MOXD1: variants seen among roughly 807,000 people sequenced by gnomAD.
MOXD1 encodes the protein DBH-like monooxygenase protein 1.
MOXD1 carries 62 observed loss-of-function variants against 66.6 expected under a neutral mutation model. The observed-to-expected ratio is 0.93, with a 90% CI of 0.76 to 1.15. The LOEUF is 1.15. MOXD1 is among the 50% of genes most tolerant of loss of function. The pLI is 0.00. For missense variants in MOXD1, 847 were observed against 754.6 expected (o/e 1.12, Z -1.44); for synonymous variants, 303 against 281.9 (o/e 1.07, Z -0.75).
At chr6:132,338,911 A>G (rs1023640849) in intron 4 of MOXD1, among the ~76,000 whole-genome samples, 1 of 152,234 alleles carries the variant, frequency 6.6e-6, no homozygotes, top group Non-Finnish European at 1.5e-5. Context: ...TAGTATTACT[A>G]TCTTAAGTTG....
At chr6:132,355,509 C>T (rs1775893804) in intron 4 of MOXD1, among the ~76,000 whole-genome samples, 1 of 152,192 alleles carries the variant, frequency 6.6e-6, no homozygotes, top group South Asian at 2.1e-4. Context: ...AACCAAGCCT[C>T]AAGTGGCCTT....
chr6:132,378,112 G>A (rs576673734), intron 1 of MOXD1, among the ~76,000 whole-genome samples: 313 of 152,050 alleles, frequency 2.1e-3, no homozygotes, highest in Middle Eastern at 6.8e-3. Context: ...CAGCCTGAGT[G>A]ACAAGAGAGA....
chr6:132,328,218 A>G, intron 5 of MOXD1, 103 bp from the exon 6 acceptor site: 6 of 1,226,490 alleles, frequency 4.9e-6, no homozygotes, highest in Non-Finnish European at 7.0e-6. Context: ...ACCCTCTGGA[A>G]CCCCATTCAT....
At chr6:132,386,872 A>G (rs899532114) in intron 1 of MOXD1, among the ~76,000 whole-genome samples, 4 of 151,164 alleles carry the variant, frequency 2.6e-5, no homozygotes, top group Non-Finnish European at 5.9e-5. Context: ...CTTTCATTAT[A>G]TTTATTGGGT....
At chr6:132,358,082 C>T (rs6914923) in intron 4 of MOXD1, among the ~76,000 whole-genome samples, 29,613 of 151,976 alleles carry the variant, frequency 0.19, 2,996 homozygotes, top group South Asian at 0.28. Flanking sequence ...CTCCATTTTG[C>T]CAATGGGAAA....
At position 132,340,638 on chromosome 6, in the gene MOXD1, A is replaced by ATCTTTTT. The variant is rs1562287208; in HGVS notation, c.664-12045_664-12044insAAAAAGA. Among the ~76,000 whole-genome samples, 61 of 98,784 alleles carry ATCTTTTT rather than the reference A, an allele frequency of 6.2e-4. 6 individuals carry two copies. Among genetic ancestry groups the ATCTTTTT allele is most frequent in the African/African-American group, 2.6e-3 (59 of 22,562 alleles). 64.8% of individuals were successfully genotyped at this position (98,784 alleles called of 152,430 possible). ...ACAACATGCTAAAACAACAAGACTC[A>ATCTTTTT]TTTTTTTTTTTTTTTTTTTTTTTTT... On this transcript the variant is annotated intron_variant, in intron 4 of 11. Transcript: ENST00000367963.
intron 1 of MOXD1, among the ~76,000 whole-genome samples, chr6:132,395,748 A>T (rs997154292): frequency 1.2e-4 from 18 of 152,218 alleles, no homozygotes; most frequent in African/African-American, 4.3e-4. Flanking sequence ...GGTGAAACAT[A>T]CCTTAAGTAT....
chr6:132,374,846 T>C lies in MOXD1; in HGVS notation c.265-69A>G, dbSNP rs750058210. On this transcript the variant is annotated intron_variant, in intron 1 of 11. Transcript: ENST00000367963. ...GAGAGAAAAGAATTCATAGGACCTT[T>C]AAAGACAAAGTCTTGTTGTCTAGAG... 7 of 1,422,904 alleles carry C rather than the reference T, an allele frequency of 4.9e-6. No individual in the cohort carries two copies. In the South Asian group the frequency reaches 8.4e-5, roughly 17 times the overall value. 88.1% of individuals were successfully genotyped at this position (1,422,904 alleles called of 1,614,324 possible).
chr6:132,391,738 C>A (rs1776769335), intron 1 of MOXD1: 1 of 152,840 alleles, frequency 6.5e-6, no homozygotes, highest in Admixed American at 6.5e-5. Flanking sequence ...ACTCTTGCCT[C>A]TCCTTCCAAC....
intron 4 of MOXD1, among the ~76,000 whole-genome samples, chr6:132,363,650 A>G (rs1776060685): frequency 6.6e-6 from 1 of 152,226 alleles, no homozygotes; most frequent in Non-Finnish European, 1.5e-5. Context: ...TGAGCAAGCT[A>G]CATAAGCTTG....
At chr6:132,347,367 T>C (rs972771394) in intron 4 of MOXD1, among the ~76,000 whole-genome samples, 2 of 152,186 alleles carry the variant, frequency 1.3e-5, no homozygotes, top group African/African-American at 4.8e-5. Flanking sequence ...TACTTTAATT[T>C]TGTAGGACTG....
chr6:132,305,870 T>G (rs1038482834), intron 10 of MOXD1, among the ~76,000 whole-genome samples: 3 of 152,094 alleles, frequency 2.0e-5, no homozygotes, highest in Non-Finnish European at 4.4e-5. Context: ...TCAGCAGCCT[T>G]GAATACCAAA....
At chr6:132,304,516 C>T (rs1272893111) in intron 10 of MOXD1, among the ~76,000 whole-genome samples, 1 of 152,140 alleles carries the variant, frequency 6.6e-6, no homozygotes, top group Non-Finnish European at 1.5e-5. Context: ...CTTTCAGCTG[C>T]CATGCAACTG....
At chr6:132,398,241 G>C (rs905826503) in intron 1 of MOXD1, among the ~76,000 whole-genome samples, 17 of 152,232 alleles carry the variant, frequency 1.1e-4, no homozygotes, top group African/African-American at 4.1e-4. Flanking sequence ...ATTTGGACTT[G>C]TGACATCTAT....
chr6:132,365,689 A>G (rs551441050), intron 4 of MOXD1, among the ~76,000 whole-genome samples: 1 of 152,314 alleles, frequency 6.6e-6, no homozygotes, highest in African/African-American at 2.4e-5. Context: ...GACTAATAAG[A>G]ACACCCATGT....
chr6:132,321,415 A>C (rs1775076401), intron 8 of MOXD1, among the ~76,000 whole-genome samples: 1 of 152,226 alleles, frequency 6.6e-6, no homozygotes, highest in African/African-American at 2.4e-5. Flanking sequence ...TTTTCTTTAA[A>C]GGTCTCTAGT....
intron 4 of MOXD1, among the ~76,000 whole-genome samples, chr6:132,348,754 TC>T (rs1775719167): frequency 1.3e-5 from 2 of 152,160 alleles, no homozygotes; most frequent in East Asian, 1.9e-4. Flanking sequence ...CAATCTCTTT[TC>T]TTGGCAGATA....
At chr6:132,359,189 G>A (rs1775964530) in intron 4 of MOXD1, among the ~76,000 whole-genome samples, 1 of 151,110 alleles carries the variant, frequency 6.6e-6, no homozygotes, top group Admixed American at 6.6e-5. Context: ...GTGAGAAAAC[G>A]GCTCACTGCA....
chr6:132,310,167 T>A (rs1247622890), intron 10 of MOXD1, among the ~76,000 whole-genome samples: 1 of 150,948 alleles, frequency 6.6e-6, no homozygotes, highest in Non-Finnish European at 1.5e-5. Context: ...AAAAAAACAA[T>A]CCCATTAAAA....
Sources: gnomAD v4.1 joint callset for allele counts (sites outside exome capture counted in the v4.1 genomes callset) on GRCh38, gnomAD v4.1.1 for gene constraint, MANE v1.5 for transcripts, NCBI Gene and HGNC (gene_info 2026-07-23, HGNC 2026-07-21) for gene names.